SPDYA: variants seen among roughly 807,000 people sequenced by gnomAD.
SPDYA encodes the protein speedy/RINGO cell cycle regulator family member A.
In SPDYA, 11 loss-of-function variants were observed where a neutral mutation model predicts 36.7. The ratio of observed to expected loss-of-function variants is 0.30; its 90% confidence interval spans 0.19 to 0.50. The LOEUF is 0.50. Ranked by LOEUF, SPDYA falls within the 20% of genes least tolerant of loss-of-function variation. SPDYA has a pLI of 0.98. For missense variants in SPDYA, 287 were observed against 370.9 expected, an observed-to-expected ratio of 0.77 and a Z score of 1.86; for synonymous variants, 115 against 118.7, an observed-to-expected ratio of 0.97 and a Z score of 0.20.
chr2:28,839,488 CTTAA>C (rs1467767018), intron 6 of SPDYA, among the ~76,000 whole-genome samples: 2 of 152,000 alleles, frequency 1.3e-5, no homozygotes, highest in East Asian at 1.9e-4. Flanking sequence ...AGCTGGGAAC[CTTAA>C]TTATTTTTAT....
Position 28,829,298 on chromosome 2 carries a change from A to T in SPDYA, c.531A>T (p.Val177=). The change falls in exon 6 of 8, where the codon GTA becomes GTT. Residue 177 remains valine, a synonymous_variant. Transcript: ENST00000334056. ...LWDRIDYRAI[V]SRRCCEEVMA... ...ATAGAATTGACTATAGGGCTATTGTAAGCAGGCGATGTTGTGAGGAGGTAA... is the reference window on the plus strand; with the variant it reads ...ATAGAATTGACTATAGGGCTATTGTTAGCAGGCGATGTTGTGAGGAGGTAA... 6.2e-7 allele frequency: 1 copy of T among 1,611,648 alleles called. No individual in the cohort carries two copies. Among genetic ancestry groups the T allele is most frequent in the Non-Finnish European group, 8.5e-7 (1 of 1,179,530 alleles).
chr2:28,840,045 T>C (rs1668711704), intron 6 of SPDYA, 127 bp from the exon 7 acceptor site: 1 of 877,492 alleles, frequency 1.1e-6, no homozygotes. Flanking sequence ...GCTTTGTTTT[T>C]TAAATCAGCA....
chr2:28,812,064 T>C (rs1267532020), intron 1 of SPDYA, among the ~76,000 whole-genome samples: 1 of 152,284 alleles, frequency 6.6e-6, no homozygotes. Context: ...TTGATGTCAG[T>C]TCTGCATTCA....
rs70956046 is a variant in SPDYA at position 28,812,469 on chromosome 2, A to AAAAGAAAG, written c.-93+1538_-93+1545dup. Among the ~76,000 whole-genome samples the AAAAGAAAG allele has an allele frequency of 3.6e-3, 540 of 149,266 alleles. 4 individuals are homozygous for AAAAGAAAG. Among genetic ancestry groups the AAAAGAAAG allele is most frequent in the African/African-American group, 8.6e-3 (349 of 40,582 alleles). ...TTTTTGTGATTTACTTACCAAAAAA[A>AAAAGAAAG]AAAGAAAGAAAGAAAGAAAGAAAAT... On this transcript the variant is annotated intron_variant, in intron 1 of 7. Coordinates refer to ENST00000334056, the MANE Select transcript of SPDYA (RefSeq NM_182756.4).
At chr2:28,840,938 T>TG in intron 7 of SPDYA, 1 of 270,272 alleles carries the variant, frequency 3.7e-6, no homozygotes, top group African/African-American at 2.3e-5. Flanking sequence ...CAGTTTTTTT[T>TG]TTTTTTTTTT....
chr2:28,850,323 C>T lies in SPDYA; in HGVS notation c.*382C>T. ...CATTTAATATGTTCTGAAAACATTA[C>T]TCACCTGTATGACCAGGTTGCCAGT... On this transcript the variant is annotated 3_prime_UTR_variant, in exon 8 of 8. Transcript: ENST00000334056. 1.9e-6 allele frequency: 3 copies of T among 1,607,016 alleles called. No homozygotes were observed. Among genetic ancestry groups the T allele is most frequent in the Non-Finnish European group, 2.6e-6 (3 of 1,174,968 alleles).
intron 4 of SPDYA, among the ~76,000 whole-genome samples, chr2:28,821,186 T>C (rs1305093090): frequency 1.4e-5 from 2 of 144,676 alleles, no homozygotes; most frequent in Non-Finnish European, 3.0e-5. Flanking sequence ...TGATTTTTTT[T>C]TTTTCTTTTT....
intron 6 of SPDYA, among the ~76,000 whole-genome samples, chr2:28,838,125 C>T (rs1668656143): frequency 2.6e-5 from 4 of 151,258 alleles, no homozygotes; most frequent in Admixed American, 6.6e-5. Context: ...ATATAAAAGA[C>T]ACCCTATGGC....
At chr2:28,818,469 A>G (rs1668048661) in intron 3 of SPDYA, among the ~76,000 whole-genome samples, 1 of 150,462 alleles carries the variant, frequency 6.6e-6, no homozygotes, top group Non-Finnish European at 1.5e-5. Flanking sequence ...AAAGAGAAAG[A>G]GAGAAAGGGG....
chr2:28,832,896 A>G (rs1668511073), intron 6 of SPDYA, among the ~76,000 whole-genome samples: 1 of 141,166 alleles, frequency 7.1e-6, no homozygotes, highest in Non-Finnish European at 1.5e-5. Context: ...GCAGTAGTGC[A>G]GTGGTGAGAT....
intron 5 of SPDYA, among the ~76,000 whole-genome samples, chr2:28,825,763 G>A (rs1668300894): frequency 1.3e-5 from 2 of 151,360 alleles, no homozygotes; most frequent in Non-Finnish European, 1.5e-5. Context: ...TTTGAGACAG[G>A]GTCTCACTCT....
At chr2:28,814,838 A>G (rs1178114001) in intron 2 of SPDYA, among the ~76,000 whole-genome samples, 152 bp downstream of exon 2, 1 of 152,242 alleles carries the variant, frequency 6.6e-6, no homozygotes, top group Non-Finnish European at 1.5e-5. Flanking sequence ...AATTATGTGA[A>G]CTAATCACCA....
At position 28,816,095 on chromosome 2, in the gene SPDYA, G is replaced by A; in HGVS notation, c.81G>A (p.Gln27=). Residue 27 remains glutamine (Q), a synonymous_variant, in exon 3 of 8, where the codon CAG becomes CAA. Coordinates refer to ENST00000334056, the MANE Select transcript of SPDYA (RefSeq NM_182756.4). ...AATCAGGGTCAAATAGATCACATCA[G>A]CCTAAAAAGCCCATTACTCTGAAGC... is the stretch of plus-strand genomic sequence containing the variant. ...YVKSGSNRSH[Q]PKKPITLKRP... The A allele has an allele frequency of 6.2e-7, 1 of 1,613,908 alleles. No individual in the cohort carries two copies. Among genetic ancestry groups the A allele is most frequent in the Non-Finnish European group, 8.5e-7 (1 of 1,179,968 alleles).
intron 1 of SPDYA, among the ~76,000 whole-genome samples, chr2:28,814,118 T>C (rs1035548808): frequency 5.9e-5 from 9 of 152,214 alleles, no homozygotes; most frequent in African/African-American, 2.2e-4. Context: ...TGCCTAGTTC[T>C]TCAAAATGTA....
intron 7 of SPDYA, among the ~76,000 whole-genome samples, chr2:28,845,837 G>A (rs1317532853): frequency 6.6e-6 from 1 of 152,032 alleles, no homozygotes; most frequent in Admixed American, 6.5e-5. Flanking sequence ...GAGCCACCGC[G>A]CCCGACCTGT....
chr2:28,847,419 G>A (rs1668905993), intron 7 of SPDYA, among the ~76,000 whole-genome samples: 2 of 151,886 alleles, frequency 1.3e-5, no homozygotes, highest in Admixed American at 6.6e-5. Context: ...TTCACTCAAG[G>A]TGGGACTGCA....
intron 7 of SPDYA, among the ~76,000 whole-genome samples, chr2:28,849,575 G>A (rs1668983135): frequency 6.6e-6 from 1 of 152,202 alleles, no homozygotes; most frequent in African/African-American, 2.4e-5. Context: ...ACTGTGCCCA[G>A]CCCCCAAACA....
At chr2:28,838,860 T>G (rs573959421) in intron 6 of SPDYA, among the ~76,000 whole-genome samples, 2 of 152,182 alleles carry the variant, frequency 1.3e-5, no homozygotes. Context: ...AGTGGGCCAT[T>G]GCACCTGGAC....
chr2:28,836,524 T>G (rs567564580), intron 6 of SPDYA, among the ~76,000 whole-genome samples: 2 of 152,196 alleles, frequency 1.3e-5, no homozygotes, highest in Non-Finnish European at 2.9e-5. Context: ...GTGAGTTTTG[T>G]AATTGTCTCT....
Sources: allele counts gnomAD v4.1 joint callset (sites outside exome capture counted in the v4.1 genomes callset), GRCh38; gene constraint gnomAD v4.1.1; transcripts MANE v1.5; gene names NCBI Gene and HGNC (gene_info 2026-07-23, HGNC 2026-07-21).